Variants in PPP2R5A observed in about 807,000 individuals in gnomAD.
The protein encoded by PPP2R5A is protein phosphatase 2 regulatory subunit B'alpha, also known as serine/threonine-protein phosphatase 2A 56 kDa regulatory subunit alpha isoform.
A neutral mutation model predicts 64.2 loss-of-function variants in PPP2R5A; 25 were observed. The ratio of observed to expected loss-of-function variants is 0.39; its 90% CI spans 0.28 to 0.54. PPP2R5A has a LOEUF of 0.54. PPP2R5A is among the 20% of genes least tolerant of loss of function. The pLI is 0.67. For missense variants in PPP2R5A, 425 were observed against 576.3 expected (o/e 0.74, Z 2.69); for synonymous variants, 198 against 201.2 (o/e 0.98, Z 0.13).
At chr1:212,348,527 GAATATTA>G in intron 7 of PPP2R5A, 30 bp downstream of exon 7, 2 of 1,404,006 alleles carry the variant, frequency 1.4e-6, no homozygotes, top group Non-Finnish European at 2.0e-6. Flanking sequence ...CAGATGAAAT[GAATATTA>G]TTTCAAAGGC....
intron 3 of PPP2R5A, among the ~76,000 whole-genome samples, chr1:212,335,498 T>C (rs1446048361): frequency 6.7e-6 from 1 of 150,168 alleles, no homozygotes; most frequent in Non-Finnish European, 1.5e-5. Context: ...AGAAAAAAGA[T>C]GAGAGAAAGA....
At chr1:212,321,189 G>A (rs1372905115) in intron 1 of PPP2R5A, among the ~76,000 whole-genome samples, 3 of 147,506 alleles carry the variant, frequency 2.0e-5, no homozygotes, top group Non-Finnish European at 4.5e-5. Context: ...GCCAGGCGGG[G>A]GGCTGACCCC....
chr1:212,308,450 C>T (rs1658961478), intron 1 of PPP2R5A, among the ~76,000 whole-genome samples: 1 of 149,376 alleles, frequency 6.7e-6, no homozygotes, highest in East Asian at 2.0e-4. Context: ...GCTCTGTTGC[C>T]CAGGCTGGAG....
intron 1 of PPP2R5A, among the ~76,000 whole-genome samples, chr1:212,289,655 C>T (rs909089847): frequency 4.6e-5 from 7 of 151,858 alleles, no homozygotes; most frequent in African/African-American, 1.7e-4. Context: ...TACAAATCTC[C>T]CCAGGCCTGT....
At chr1:212,359,733 C>T (rs1385794121) in intron 12 of PPP2R5A, among the ~76,000 whole-genome samples, 1 of 152,162 alleles carries the variant, frequency 6.6e-6, no homozygotes, top group African/African-American at 2.4e-5. Flanking sequence ...TCTTCAAAGC[C>T]ATCCAGCCCA....
intron 1 of PPP2R5A, among the ~76,000 whole-genome samples, chr1:212,297,089 G>GCTT (rs1558138691): frequency 1.9e-4 from 21 of 111,240 alleles, no homozygotes; most frequent in Non-Finnish European, 3.1e-4. Flanking sequence ...CTTTTTCTTT[G>GCTT]CTTCTTCTTT....
chr1:212,329,159 A>G lies in PPP2R5A; in HGVS notation c.206A>G (p.Glu69Gly). 6.5e-7 allele frequency: 1 copy of G among 1,536,046 alleles called. No homozygotes were observed. Among genetic ancestry groups the G allele is most frequent in the Non-Finnish European group, 8.8e-7 (1 of 1,141,880 alleles). The change falls in exon 2 of 13, where the codon GAG becomes GGG. Residue 69 changes from glutamate to glycine, a missense_variant. Physicochemically the swap from Glu to Gly is moderately conservative, Grantham distance 98 (BLOSUM62 -2). Around this residue, in one of 4 missense-constraint regions of PPP2R5A, gnomAD observed 104 missense variants for 95.7 expected, o/e 1.09. Transcript: ENST00000261461. Reference protein sequence around the residue: ...LKDATSNEQQELFCQKLQQCC... With the variant: ...LKDATSNEQQGLFCQKLQQCC... ...GATGCCACTTCAAATGAACAACAAGAGCTTTTCTGTCAGAAGTTGCAGCAG... is the reference window on the plus strand; with the variant it reads ...GATGCCACTTCAAATGAACAACAAGGGCTTTTCTGTCAGAAGTTGCAGCAG...
rs1203207769 is a variant in PPP2R5A, at chr1:212,321,789, C to T, written c.182-7346C>T. ...CTCCTCACTTCCCAGACGGGGTGGC[C>T]GCCGGGCAGAGGCTGCAATCTCGGC... On this transcript the variant is annotated intron_variant, in intron 1 of 12. Coordinates refer to ENST00000261461, the MANE Select transcript of PPP2R5A (RefSeq NM_006243.4). Among the ~76,000 whole-genome samples, 7 of 150,058 alleles carry T rather than the reference C, an allele frequency of 4.7e-5. No individual in the cohort carries two copies. In the East Asian group the frequency reaches 9.9e-4, roughly 21 times the overall value.
At chr1:212,321,094 G>T in intron 1 of PPP2R5A, among the ~76,000 whole-genome samples, 1 of 129,986 alleles carries the variant, frequency 7.7e-6, no homozygotes, top group Non-Finnish European at 1.7e-5. Context: ...TCCCGGACGG[G>T]GCGGCTGGCC....
intron 1 of PPP2R5A, among the ~76,000 whole-genome samples, chr1:212,304,628 T>G (rs1168155032): frequency 6.6e-6 from 1 of 151,422 alleles, no homozygotes; most frequent in East Asian, 1.9e-4. Context: ...GATGCTATAA[T>G]AGTATGCTGT....
intron 8 of PPP2R5A, chr1:212,352,916 G>C (rs903730371): frequency 1.9e-6 from 1 of 518,984 alleles, no homozygotes; most frequent in Non-Finnish European, 3.8e-6. Flanking sequence ...TCTGTTTGCT[G>C]TAACTGATCT....
chr1:212,344,575 CAT>C (rs1175358473), intron 4 of PPP2R5A, among the ~76,000 whole-genome samples: 3 of 152,102 alleles, frequency 2.0e-5, no homozygotes, highest in African/African-American at 7.2e-5. Context: ...AAGTTCAGAA[CAT>C]AAAATTCCTT....
intron 1 of PPP2R5A, among the ~76,000 whole-genome samples, chr1:212,291,597 TTC>T (rs996171847): frequency 9.9e-5 from 15 of 152,224 alleles, no homozygotes; most frequent in African/African-American, 3.4e-4. Context: ...CTTCGTCCTT[TTC>T]TCTCTGATAC....
In PPP2R5A at chr1:212,361,090, G is replaced by A. The variant is rs891793396; in HGVS notation, c.*320G>A. 11 of 178,584 alleles carry A rather than the reference G, an allele frequency of 6.2e-5. No individual in the cohort carries two copies. The highest frequency in any genetic ancestry group is 1.9e-4 in the South Asian group (1 of 5,212). The allele number at this position is 178,584 out of a possible 1,614,324, so 11.1% of individuals were successfully genotyped here. On this transcript the variant is annotated 3_prime_UTR_variant, in exon 13 of 13. Transcript: ENST00000261461. ...TTATGACTTGAATTCTTCTTTGATT[G>A]TGTTGCACATAGATATGGTAGTCTG...
chr1:212,357,628 C>A (rs1350524111), intron 11 of PPP2R5A, among the ~76,000 whole-genome samples: 1 of 139,978 alleles, frequency 7.1e-6, no homozygotes, highest in Non-Finnish European at 1.6e-5. Flanking sequence ...ACGGTGAAAC[C>A]CCATCTCTAC....
At chr1:212,315,809 C>T (rs927474240) in intron 1 of PPP2R5A, among the ~76,000 whole-genome samples, 1 of 152,130 alleles carries the variant, frequency 6.6e-6, no homozygotes, top group African/African-American at 2.4e-5. Flanking sequence ...TTGAGCAAGT[C>T]TGTTGGTCCC....
intron 1 of PPP2R5A, among the ~76,000 whole-genome samples, chr1:212,308,051 T>C (rs1245123593): frequency 6.6e-6 from 1 of 152,190 alleles, no homozygotes; most frequent in Non-Finnish European, 1.5e-5. Context: ...GGTTCTCAAC[T>C]GTTGCCCAGG....
intron 3 of PPP2R5A, among the ~76,000 whole-genome samples, chr1:212,337,521 A>G (rs1427215577): frequency 6.6e-6 from 1 of 152,130 alleles, no homozygotes; most frequent in African/African-American, 2.4e-5. Flanking sequence ...TTACATTCAA[A>G]TAACTCTTGG....
intron 3 of PPP2R5A, among the ~76,000 whole-genome samples, chr1:212,341,654 T>C (rs1369014223): frequency 6.6e-6 from 1 of 152,216 alleles, no homozygotes; most frequent in Non-Finnish European, 1.5e-5. Context: ...CATCAAGTTA[T>C]GTAAAGCAAT....
Sources: allele counts gnomAD v4.1 joint callset (sites outside exome capture counted in the v4.1 genomes callset), GRCh38; gene constraint gnomAD v4.1.1; regional missense constraint gnomAD v4.1.1; transcripts MANE v1.5; gene names NCBI Gene and HGNC (gene_info 2026-07-23, HGNC 2026-07-21).